COL22A1: variants seen among roughly 807,000 people sequenced by gnomAD.
COL22A1 encodes collagen alpha-1(XXII) chain.
COL22A1 carries 221 observed loss-of-function variants against 248.9 expected under a neutral mutation model. That is an observed-to-expected ratio of 0.89 (90% CI 0.80 to 0.99). COL22A1 has a LOEUF of 0.99. Ranked by LOEUF, COL22A1 falls within the 50% of genes least tolerant of loss-of-function variation. The probability of loss-of-function intolerance (pLI) is 0.00; values close to 1 mark genes in which losing one functional copy is unlikely to be tolerated. For missense variants in COL22A1, 2,240 were observed against 2,179.0 expected (o/e 1.03, Z -0.56); for synonymous variants, 891 against 793.4 (o/e 1.12, Z -2.07).
At chr8:138,760,984 A>T (rs1296047460) in intron 17 of COL22A1, among the ~76,000 whole-genome samples, 1 of 152,104 alleles carries the variant, frequency 6.6e-6, no homozygotes, top group Admixed American at 6.5e-5. Context: ...TGCACAATCA[A>T]TCTCCATCCA....
rs768675594 is a variant in COL22A1 at position 138,877,925 on chromosome 8, G to A, written c.483C>T (p.Ala161=). ...DGRSQDLVLD[A]AAAAHRAGIR... is the part of the protein sequence containing the mutation. ...TGCCAGCGCGGTGGGCTGCCGCCGC[G>A]GCGTCCAGCACCAGGTCCTGGCTGC... The change falls in exon 3 of 65, where the codon GCC becomes GCT. Residue 161 remains alanine, a synonymous_variant. Transcript: ENST00000303045. 2.5e-6 allele frequency: 4 copies of A among 1,606,516 alleles called. No homozygotes were observed. Among genetic ancestry groups the A allele is most frequent in the Non-Finnish European group, 3.4e-6 (4 of 1,176,624 alleles).
At chr8:138,636,639 A>T (rs564715089) in intron 48 of COL22A1, 103 bp downstream of exon 48, 131 of 852,068 alleles carry the variant, frequency 1.5e-4, no homozygotes, top group Non-Finnish European at 2.3e-4. Context: ...ATCCTGCTAC[A>T]GGCAAAGAAG....
chr8:138,838,048 T>C (rs1217317312), intron 4 of COL22A1, among the ~76,000 whole-genome samples: 2 of 151,780 alleles, frequency 1.3e-5, no homozygotes, highest in African/African-American at 4.8e-5. Flanking sequence ...CAGCAGCCAG[T>C]GTAATTGAGG....
intron 16 of COL22A1, 29 bp downstream of exon 16, chr8:138,775,937 A>C: frequency 6.2e-7 from 1 of 1,609,888 alleles, no homozygotes. Context: ...GGAAAGCCGT[A>C]TTGATGAATG....
At chr8:138,753,293 G>A (rs1832752578) in intron 21 of COL22A1, among the ~76,000 whole-genome samples, 1 of 152,204 alleles carries the variant, frequency 6.6e-6, no homozygotes, top group African/African-American at 2.4e-5. Context: ...CGGGAGAGAT[G>A]TTGGTCCTCG....
At chr8:138,845,516 AAAAT>A (rs10633143) in intron 3 of COL22A1, among the ~76,000 whole-genome samples, 50 of 147,592 alleles carry the variant, frequency 3.4e-4, no homozygotes, top group East Asian at 1.2e-3. Flanking sequence ...CTCCACCTCA[AAAAT>A]AAATAAATAA....
At chr8:138,764,408 G>C (rs1175518427) in intron 16 of COL22A1, among the ~76,000 whole-genome samples, 2 of 152,202 alleles carry the variant, frequency 1.3e-5, no homozygotes, top group Non-Finnish European at 2.9e-5. Flanking sequence ...ATGGGGCAGG[G>C]GCTGCCTGAC....
intron 41 of COL22A1, among the ~76,000 whole-genome samples, chr8:138,673,170 G>A (rs1466951429): frequency 1.3e-5 from 2 of 151,940 alleles, no homozygotes; most frequent in Admixed American, 6.6e-5. Context: ...ATGACATCAC[G>A]GGAGGAAGGA....
At chr8:138,854,397 C>T (rs974281669) in intron 3 of COL22A1, among the ~76,000 whole-genome samples, 3 of 152,168 alleles carry the variant, frequency 2.0e-5, no homozygotes, top group Non-Finnish European at 4.4e-5. Context: ...CAACAGCCTT[C>T]CTGAAGGATT....
At chr8:138,713,434 AT>A (rs1187027376) in intron 30 of COL22A1, among the ~76,000 whole-genome samples, 1 of 152,224 alleles carries the variant, frequency 6.6e-6, no homozygotes, top group Non-Finnish European at 1.5e-5. Context: ...AACTCAAGAA[AT>A]TGCAACTTGC....
intron 6 of COL22A1, among the ~76,000 whole-genome samples, chr8:138,822,799 G>T (rs1448863662): frequency 1.3e-5 from 2 of 152,112 alleles, no homozygotes; most frequent in Non-Finnish European, 2.9e-5. Context: ...CTCCTGAGTG[G>T]CTTTGTCCCT....
intron 12 of COL22A1, among the ~76,000 whole-genome samples, chr8:138,783,133 T>G (rs1815178743): frequency 6.6e-6 from 1 of 151,976 alleles, no homozygotes; most frequent in Non-Finnish European, 1.5e-5. Context: ...AAGCAGTCAT[T>G]CATGGAAAGG....
intron 31 of COL22A1, among the ~76,000 whole-genome samples, chr8:138,701,451 A>G (rs1199677761): frequency 6.6e-6 from 1 of 152,198 alleles, no homozygotes; most frequent in Non-Finnish European, 1.5e-5. Context: ...GTAGCTTCCT[A>G]TATCTTGCCC....
At chr8:138,664,495 C>G (rs1824327724) in intron 41 of COL22A1, among the ~76,000 whole-genome samples, 1 of 152,090 alleles carries the variant, frequency 6.6e-6, no homozygotes, top group South Asian at 2.1e-4. Flanking sequence ...ACATTCTTGT[C>G]ACACTCTGGT....
intron 41 of COL22A1, among the ~76,000 whole-genome samples, chr8:138,670,673 C>T (rs138525438): frequency 1.6e-4 from 25 of 152,068 alleles, no homozygotes; most frequent in African/African-American, 5.8e-4. Flanking sequence ...AAAAAGCCAC[C>T]GGTAGGCTGG....
intron 39 of COL22A1, among the ~76,000 whole-genome samples, chr8:138,680,633 C>A (rs1825886464): frequency 6.6e-6 from 1 of 152,120 alleles, no homozygotes; most frequent in Non-Finnish European, 1.5e-5. Context: ...TGGGACAGTA[C>A]CAGGGCAAGC....
intron 32 of COL22A1, among the ~76,000 whole-genome samples, chr8:138,698,209 G>A (rs1827668444): frequency 6.6e-6 from 1 of 152,200 alleles, no homozygotes; most frequent in African/African-American, 2.4e-5. Flanking sequence ...AGGAAAGGCA[G>A]GTGACCAGTG....
At chr8:138,654,079 G>A (rs74431349) in intron 45 of COL22A1, among the ~76,000 whole-genome samples, 8,171 of 152,258 alleles carry the variant, frequency 0.054, 300 homozygotes, top group Non-Finnish European at 0.072. Context: ...TGCTATGGCC[G>A]TGAGGAATGA....
rs1335177487 is a variant in COL22A1 at position 138,751,156 on chromosome 8, A to G, written c.2085+302T>C. Among the ~76,000 whole-genome samples, 5 of 152,192 alleles carry G rather than the reference A, an allele frequency of 3.3e-5. No homozygotes were observed. The East Asian group carries it at 7.7e-4, about 23-fold the overall frequency. Reference sequence around the variant, plus strand: ...ATGCACTCAGTTGCCTCTTCTCTGTATACCCTCAGCACTGGGCTTCCCTGC... The same window carrying G: ...ATGCACTCAGTTGCCTCTTCTCTGTGTACCCTCAGCACTGGGCTTCCCTGC... On this transcript the variant is annotated intron_variant, in intron 22 of 64. Transcript: ENST00000303045.
Sources: gnomAD v4.1 joint callset for allele counts (sites outside exome capture counted in the v4.1 genomes callset) on GRCh38, gnomAD v4.1.1 for gene constraint, MANE v1.5 for transcripts, NCBI Gene and HGNC (gene_info 2026-07-23, HGNC 2026-07-21) for gene names.